Variants in SIPA1L2 observed in about 807,000 individuals in gnomAD.
SIPA1L2 encodes the protein signal-induced proliferation-associated 1-like protein 2.
A neutral mutation model predicts 163.9 loss-of-function variants in SIPA1L2; 56 were observed. The observed-to-expected ratio is 0.34, with a 90% CI of 0.28 to 0.43. SIPA1L2 has a LOEUF of 0.43. Ranked by LOEUF, SIPA1L2 falls within the 20% of genes least tolerant of loss-of-function variation. SIPA1L2 has a pLI of 1.00. For missense variants in SIPA1L2, 1,974 were observed against 2,193.5 expected (o/e 0.90, Z 2.00); for synonymous variants, 877 against 865.7 (o/e 1.01, Z -0.23).
chr1:232,496,995 T>A (rs1224751968), intron 3 of SIPA1L2, among the ~76,000 whole-genome samples: 1 of 152,122 alleles, frequency 6.6e-6, no homozygotes, highest in East Asian at 1.9e-4. Context: ...AGTACAAAAG[T>A]AAATACATAA....
At chr1:232,419,409 GAT>G (rs1363371845) in intron 18 of SIPA1L2, among the ~76,000 whole-genome samples, 1 of 152,142 alleles carries the variant, frequency 6.6e-6, no homozygotes, top group African/African-American at 2.4e-5. Context: ...ACATGGTCCG[GAT>G]GTTGTCCCCT....
Position 232,445,657 on chromosome 1 carries a change from C to A in SIPA1L2, c.3225G>T (p.Gln1075His). Residue 1075 changes from glutamine to histidine, a missense_variant, in exon 11 of 23, where the codon CAG becomes CAT. By Grantham distance (24) the Gln-to-His change is conservative. Around this residue, in one of 3 missense-constraint regions of SIPA1L2, gnomAD observed 1,079 missense variants for 1,150.7 expected, o/e 0.94. Transcript: ENST00000674635. Reference protein sequence around the residue: ...TWHRVPTPALQPLSRASPIPG... With the variant: ...TWHRVPTPALHPLSRASPIPG... Reference sequence around the variant, plus strand: ...GGATGGGGGAAGCTCTAGAGAGGGGCTGCAGGGCAGGAGTGGGCACCCGGT... The same window carrying A: ...GGATGGGGGAAGCTCTAGAGAGGGGATGCAGGGCAGGAGTGGGCACCCGGT... 6.2e-7 allele frequency: 1 copy of A among 1,613,644 alleles called. No homozygotes were observed. The highest frequency in any genetic ancestry group is 8.5e-7 in the Non-Finnish European group (1 of 1,179,822).
At chr1:232,556,976 G>A (rs1408702075) in intron 2 of SIPA1L2, among the ~76,000 whole-genome samples, 6 of 152,188 alleles carry the variant, frequency 3.9e-5, no homozygotes, top group Admixed American at 3.9e-4. Flanking sequence ...CAAGAATGGA[G>A]AGAGAAGCCA....
intron 2 of SIPA1L2, among the ~76,000 whole-genome samples, chr1:232,545,657 G>C (rs1264935459): frequency 6.6e-6 from 1 of 152,126 alleles, no homozygotes; most frequent in Non-Finnish European, 1.5e-5. Flanking sequence ...AAACAGTCTA[G>C]AGAAGGAAAA....
intron 5 of SIPA1L2, among the ~76,000 whole-genome samples, chr1:232,486,824 T>C (rs1418021337): frequency 1.3e-5 from 2 of 152,168 alleles, no homozygotes; most frequent in Admixed American, 6.5e-5. Flanking sequence ...AACTAAATAC[T>C]CCCGGGGTAT....
chr1:232,524,556 A>G (rs1056042328), intron 2 of SIPA1L2, among the ~76,000 whole-genome samples: 3 of 152,200 alleles, frequency 2.0e-5, no homozygotes, highest in Admixed American at 2.0e-4. Flanking sequence ...GAAAATTAAA[A>G]ACTTATATAG....
chr1:232,415,400 G>A lies in SIPA1L2; in HGVS notation c.4762+94C>T, dbSNP rs1416657300. 2.1e-6 allele frequency: 3 copies of A among 1,434,296 alleles called. No individual in the cohort carries two copies. In the East Asian group the frequency reaches 7.7e-5, roughly 37 times the overall value. The allele number at this position is 1,434,296 out of a possible 1,614,324, so 88.8% of individuals were successfully genotyped here. A position where few individuals can be genotyped will look rare whatever the true frequency, so the allele number is the denominator to read the frequency against. ...ACATTCAAAACTTTGACCAGACGATGGGAGACAGACGGGCTCCCCTAAGAT... is the reference window on the plus strand; with the variant it reads ...ACATTCAAAACTTTGACCAGACGATAGGAGACAGACGGGCTCCCCTAAGAT... On this transcript the variant is annotated intron_variant, in intron 19 of 22. Transcript: ENST00000674635.
intron 1 of SIPA1L2, among the ~76,000 whole-genome samples, chr1:232,587,711 T>C (rs1393640037): frequency 6.6e-6 from 1 of 152,218 alleles, no homozygotes; most frequent in Non-Finnish European, 1.5e-5. Flanking sequence ...ATGATTTGGC[T>C]GTGTCCCCAC....
intron 1 of SIPA1L2, among the ~76,000 whole-genome samples, chr1:232,589,502 G>A (rs1353012919): frequency 6.6e-6 from 1 of 152,170 alleles, no homozygotes; most frequent in Non-Finnish European, 1.5e-5. Flanking sequence ...GCTTCTCTTC[G>A]CAGAAATTCT....
intron 14 of SIPA1L2, among the ~76,000 whole-genome samples, chr1:232,440,101 C>CA (rs545599071): frequency 6.6e-6 from 1 of 152,180 alleles, no homozygotes; most frequent in Non-Finnish European, 1.5e-5. Context: ...AAGTGCGTCC[C>CA]AAGCCTTTAA....
chr1:232,445,667 G>A lies in SIPA1L2; in HGVS notation c.3215C>T (p.Pro1072Leu), dbSNP rs559117373. 6.2e-7 allele frequency: 1 copy of A among 1,613,592 alleles called. No homozygotes were observed. The highest frequency in any genetic ancestry group is 1.7e-5 in the Admixed American group (1 of 60,000). Residue 1072 changes from proline to leucine, a missense_variant, in exon 11 of 23, where the codon CCT (proline) becomes CTT (leucine). By Grantham distance (98) the Pro-to-Leu change is moderately conservative (BLOSUM62 -3). Around this residue, in one of 3 missense-constraint regions of SIPA1L2, gnomAD observed 1,079 missense variants for 1,150.7 expected, o/e 0.94. Transcript: ENST00000674635. ...RNTTWHRVPT[P>L]ALQPLSRASP... ...AGCTCTAGAGAGGGGCTGCAGGGCA[G>A]GAGTGGGCACCCGGTGCCACGTGGT...
At chr1:232,588,537 GT>G (rs1338430015) in intron 1 of SIPA1L2, among the ~76,000 whole-genome samples, 1 of 152,148 alleles carries the variant, frequency 6.6e-6, no homozygotes, top group African/African-American at 2.4e-5. Context: ...CTAAAACAGA[GT>G]TTTTAAAGTT....
At chr1:232,429,579 A>G (rs1357597612) in intron 16 of SIPA1L2, among the ~76,000 whole-genome samples, 1 of 152,068 alleles carries the variant, frequency 6.6e-6, no homozygotes, top group Non-Finnish European at 1.5e-5. Flanking sequence ...AGCACAAGCT[A>G]CAGTTACAAC....
chr1:232,544,237 C>G (rs1047578563), intron 2 of SIPA1L2, among the ~76,000 whole-genome samples: 3 of 152,106 alleles, frequency 2.0e-5, no homozygotes. Context: ...ATGTTTTACA[C>G]GATTTAATGG....
intron 19 of SIPA1L2, among the ~76,000 whole-genome samples, 189 bp downstream of exon 19, chr1:232,415,305 G>C (rs761688643): frequency 8.5e-5 from 13 of 152,164 alleles, no homozygotes; most frequent in Non-Finnish European, 1.6e-4. Context: ...TAAATGACAT[G>C]ATCTCCCTCA....
chr1:232,414,074 G>A (rs906793501), intron 19 of SIPA1L2, among the ~76,000 whole-genome samples: 2 of 152,162 alleles, frequency 1.3e-5, no homozygotes, highest in African/African-American at 4.8e-5. Context: ...CTAACTTCTG[G>A]TAGCATCAGA....
intron 15 of SIPA1L2, among the ~76,000 whole-genome samples, chr1:232,437,307 T>TC (rs1662622669): frequency 1.3e-5 from 2 of 152,306 alleles, no homozygotes; most frequent in South Asian, 4.1e-4. Flanking sequence ...GGTTGTGCAA[T>TC]CCCGAGATGG....
intron 1 of SIPA1L2, among the ~76,000 whole-genome samples, chr1:232,598,606 G>T: frequency 6.6e-6 from 1 of 152,174 alleles, no homozygotes; most frequent in East Asian, 1.9e-4. Flanking sequence ...GAGGCTGGAA[G>T]TCCAAGATCA....
intron 7 of SIPA1L2, 92 bp downstream of exon 7, chr1:232,479,535 T>G (rs1665216553): frequency 1.0e-6 from 1 of 995,320 alleles, no homozygotes; most frequent in African/African-American, 1.6e-5. Flanking sequence ...CCTCACTGAT[T>G]CTTTGCAAGT....
Sources: gnomAD v4.1 joint callset for allele counts (sites outside exome capture counted in the v4.1 genomes callset) on GRCh38, gnomAD v4.1.1 for gene constraint, gnomAD v4.1.1 regional missense constraint, MANE v1.5 for transcripts, NCBI Gene and HGNC (gene_info 2026-07-23, HGNC 2026-07-21) for gene names.